The following TMEM39B variants were observed in gnomAD, a reference collection of about 807,000 sequenced individuals.
TMEM39B encodes the protein transmembrane protein 39B.
Under a neutral mutation model 52.2 loss-of-function variants are expected in TMEM39B, and 23 were observed. The observed-to-expected ratio is 0.44, with a 90% CI of 0.32 to 0.62. TMEM39B has a LOEUF of 0.62. Among genes scored for constraint, TMEM39B ranks in the 20% least tolerant of loss-of-function variants. The pLI is 0.06. For missense variants in TMEM39B, 547 were observed against 642.0 expected (o/e 0.85, Z 1.60); for synonymous variants, 285 against 264.0 (o/e 1.08, Z -0.77).
Position 32,099,130 on chromosome 1 carries a change from A to G in TMEM39B, c.1116-1312A>G, listed in dbSNP as rs373693910. Among the ~76,000 whole-genome samples, 24 of 151,670 alleles carry G rather than the reference A, an allele frequency of 1.6e-4. 1 individual carries two copies. Among genetic ancestry groups the G allele is most frequent in the East Asian group, 1.2e-3 (6 of 5,138 alleles). ...TAGCCGGGCGTGGTGGCAGGTGCCT[A>G]TAGTTCTGAGGCAGGAGAATCACTT... On this transcript the variant is annotated intron_variant, in intron 7 of 8. Coordinates refer to ENST00000336294, the MANE Select transcript of TMEM39B (RefSeq NM_018056.4).
chr1:32,072,919 C>A, upstream of TMEM39B: 2 of 1,272,880 alleles, frequency 1.6e-6, no homozygotes, highest in Non-Finnish European at 2.1e-6. Flanking sequence ...AATGTAGCGG[C>A]GCGGCGGGAG....
chr1:32,100,692 C>T, intron 8 of TMEM39B, 130 bp downstream of exon 8: 1 of 1,238,574 alleles, frequency 8.1e-7, no homozygotes, highest in Non-Finnish European at 1.1e-6. Flanking sequence ...AGACAGTGCA[C>T]ACATGTAGCA....
At chr1:32,095,581 G>A (rs1396775657) in intron 7 of TMEM39B, 1 of 153,662 alleles carries the variant, frequency 6.5e-6, no homozygotes, top group Non-Finnish European at 1.4e-5. Flanking sequence ...AGACACAGAA[G>A]TCACACTGCT....
intron 8 of TMEM39B, among the ~76,000 whole-genome samples, chr1:32,100,860 G>A (rs928377030): frequency 7.9e-5 from 12 of 151,958 alleles, no homozygotes; most frequent in African/African-American, 2.7e-4. Context: ...GTGAAACCTC[G>A]TCTCCACTAA....
At chr1:32,076,670 G>C in intron 3 of TMEM39B, 93 bp from the exon 4 acceptor site, 1 of 1,285,456 alleles carries the variant, frequency 7.8e-7, no homozygotes, top group Non-Finnish European at 1.1e-6. Flanking sequence ...GACAGTCTCT[G>C]TGGAAAGAAA....
chr1:32,090,834 G>T (rs1394219889), intron 5 of TMEM39B, among the ~76,000 whole-genome samples: 1 of 152,008 alleles, frequency 6.6e-6, no homozygotes, highest in African/African-American at 2.4e-5. Context: ...TAGAGACGGG[G>T]TTTCACCATG....
intron 5 of TMEM39B, among the ~76,000 whole-genome samples, chr1:32,091,077 C>T (rs111586325): frequency 3.8e-4 from 58 of 152,232 alleles, no homozygotes; most frequent in African/African-American, 1.2e-3. Context: ...CATGAGCTAC[C>T]GTGCTTGTCC....
rs568633183 is a variant in TMEM39B at position 32,073,123 on chromosome 1, G to C, written c.4+72G>C. The C allele has an allele frequency of 2.1e-4, 288 of 1,371,492 alleles. 2 individuals carry two copies. The highest frequency in any genetic ancestry group is 2.6e-4 in the Non-Finnish European group (278 of 1,054,928). The allele number at this position is 1,371,492 out of a possible 1,614,324, so 85.0% of individuals were successfully genotyped here. A position where few individuals can be genotyped will look rare whatever the true frequency, so the allele number is the denominator to read the frequency against. ...GGTTAGGATGGCCAGGCTGCTAATT[G>C]CTGCTCCACGCGGACAGGAGCCCGG... is the stretch of plus-strand genomic sequence containing the variant. On this transcript the variant is annotated intron_variant, in intron 1 of 8. Transcript: ENST00000336294.
intron 3 of TMEM39B, 52 bp downstream of exon 3, chr1:32,075,874 G>GT: frequency 8.3e-7 from 1 of 1,205,294 alleles, no homozygotes; most frequent in Non-Finnish European, 1.2e-6. Flanking sequence ...GCGTGTGTGT[G>GT]TATGTGTGTG....
At chr1:32,100,064 A>C (rs1422300701) in intron 7 of TMEM39B, among the ~76,000 whole-genome samples, 2 of 151,422 alleles carry the variant, frequency 1.3e-5, no homozygotes, top group Non-Finnish European at 2.9e-5. Context: ...AAAAGCCCAC[A>C]AAGAGTTTTA....
At chr1:32,085,612 G>A (rs1478130200) in intron 5 of TMEM39B, among the ~76,000 whole-genome samples, 1 of 152,006 alleles carries the variant, frequency 6.6e-6, no homozygotes. Flanking sequence ...TTAGCTGGGT[G>A]TGGTGGTGCA....
At chr1:32,094,446 T>C (rs921682702) in intron 6 of TMEM39B, among the ~76,000 whole-genome samples, 2 of 152,110 alleles carry the variant, frequency 1.3e-5, no homozygotes, top group African/African-American at 2.4e-5. Context: ...CTATCCTCAT[T>C]TGACAGATGA....
chr1:32,087,662 T>TC (rs1394248894), intron 5 of TMEM39B: 1 of 146,948 alleles, frequency 6.8e-6, no homozygotes, highest in East Asian at 2.0e-4. Flanking sequence ...TTTTTTTTTT[T>TC]CTTTTTTTTT....
chr1:32,077,012 T>C, intron 4 of TMEM39B, 152 bp from the exon 5 acceptor site: 1 of 1,288,626 alleles, frequency 7.8e-7, no homozygotes, highest in Non-Finnish European at 1.1e-6. Flanking sequence ...TTACTGGGCA[T>C]CAAAGAGAAG....
intron 5 of TMEM39B, 58 bp from the exon 6 acceptor site, chr1:32,091,617 G>T: frequency 6.6e-7 from 1 of 1,526,396 alleles, no homozygotes; most frequent in Non-Finnish European, 8.8e-7. Flanking sequence ...CTCAGTGGCT[G>T]AGAGTTGGGA....
At chr1:32,073,982 C>T (rs1294988525) in intron 1 of TMEM39B, 1 of 758,540 alleles carries the variant, frequency 1.3e-6, no homozygotes, top group Non-Finnish European at 1.6e-6. Context: ...CTCCTGGTCT[C>T]AAGCGATCCT....
At chr1:32,096,355 A>G (rs1640805695) in intron 7 of TMEM39B, among the ~76,000 whole-genome samples, 1 of 150,464 alleles carries the variant, frequency 6.6e-6, no homozygotes, top group Non-Finnish European at 1.5e-5. Context: ...AATGCTGTCT[A>G]CTGTGTTTGC....
At chr1:32,096,903 C>G (rs1640830864) in intron 7 of TMEM39B, among the ~76,000 whole-genome samples, 1 of 151,890 alleles carries the variant, frequency 6.6e-6, no homozygotes, top group Admixed American at 6.6e-5. Flanking sequence ...CTCCTGGGCT[C>G]AGGTGATCCT....
rs749795225 is a variant in TMEM39B, at chr1:32,102,484, C to T, written c.1290C>T (p.Gly430=). Residue 430 remains glycine (G), a synonymous_variant, in exon 9 of 9, where the codon GGC becomes GGT. Coordinates refer to ENST00000336294, the MANE Select transcript of TMEM39B (RefSeq NM_018056.4). ...TCAACATCCTCCTGCTGCTGGAGGG[C>T]GCTGTCATTGTCTATCAGCTGTACT... ...RILNILLLLE[G]AVIVYQLYSL... is the part of the protein sequence containing the mutation. 38 of 1,614,032 alleles carry T rather than the reference C, an allele frequency of 2.4e-5. No individual in the cohort carries two copies. The South Asian group carries it at 2.9e-4, about 12-fold the overall frequency.
Sources: gnomAD v4.1 joint callset for allele counts (sites outside exome capture counted in the v4.1 genomes callset) on GRCh38, gnomAD v4.1.1 for gene constraint, MANE v1.5 for transcripts, NCBI Gene and HGNC (gene_info 2026-07-23, HGNC 2026-07-21) for gene names.